Variants in ZFYVE9 observed in about 807,000 individuals in gnomAD.
The protein encoded by ZFYVE9 is zinc finger FYVE-type containing 9, also known as zinc finger FYVE domain-containing protein 9.
A neutral mutation model predicts 126.7 loss-of-function variants in ZFYVE9; 43 were observed. The observed-to-expected ratio is 0.34, with a 90% CI of 0.27 to 0.44. The LOEUF (loss-of-function observed/expected upper bound fraction) is 0.44, where lower values mean the gene tolerates loss of function less well. ZFYVE9 is among the 20% of genes least tolerant of loss of function. The probability of loss-of-function intolerance (pLI) is 1.00; values close to 1 mark genes in which losing one functional copy is unlikely to be tolerated. For missense variants in ZFYVE9, 1,476 were observed against 1,697.0 expected (o/e 0.87, Z 2.29); for synonymous variants, 521 against 597.4 (o/e 0.87, Z 1.87).
At chr1:52,322,440 C>T (rs1008219610) in intron 13 of ZFYVE9, among the ~76,000 whole-genome samples, 41 of 147,590 alleles carry the variant, frequency 2.8e-4, no homozygotes, top group Non-Finnish European at 4.6e-4. Flanking sequence ...TGCAATGGCG[C>T]GATCTCGGCT....
In ZFYVE9 at chr1:52,212,720, T is replaced by C. The variant is rs557490981; in HGVS notation, c.-142-3649T>C. Among the ~76,000 whole-genome samples the C allele has an allele frequency of 5.3e-5, 8 of 152,306 alleles. No homozygotes were observed. The East Asian group carries it at 1.2e-3, about 22-fold the overall frequency. The stretch of plus-strand genomic sequence containing the variant: ...GAATACTACTATGTGAAAAGAATTG[T>C]GCTGGGGCCTTGGAATAAAAGTATG... On this transcript the variant is annotated intron_variant, in intron 1 of 18. Coordinates refer to ENST00000287727, the MANE Select transcript of ZFYVE9 (RefSeq NM_004799.4).
intron 1 of ZFYVE9, among the ~76,000 whole-genome samples, chr1:52,156,817 T>C (rs1051872329): frequency 6.6e-6 from 1 of 151,684 alleles, no homozygotes; most frequent in Non-Finnish European, 1.5e-5. Flanking sequence ...GGTATTTTCC[T>C]TTCCCCACTT....
At chr1:52,342,517 G>A (rs916772903) in intron 17 of ZFYVE9, among the ~76,000 whole-genome samples, 9 of 144,378 alleles carry the variant, frequency 6.2e-5, no homozygotes, top group African/African-American at 1.8e-4. Context: ...CAATCCGCCC[G>A]TCTTGGCCTC....
chr1:52,340,883 C>A (rs1646429638), intron 17 of ZFYVE9, among the ~76,000 whole-genome samples: 1 of 118,606 alleles, frequency 8.4e-6, no homozygotes, highest in African/African-American at 3.2e-5. Context: ...CCAGCCTAGG[C>A]AACAGAGCAA....
intron 1 of ZFYVE9, among the ~76,000 whole-genome samples, chr1:52,191,427 A>G (rs371794633): frequency 6.6e-5 from 10 of 152,204 alleles, no homozygotes; most frequent in African/African-American, 2.4e-4. Flanking sequence ...AGATGCAGCC[A>G]TGACCCAGTC....
intron 1 of ZFYVE9, among the ~76,000 whole-genome samples, chr1:52,150,786 A>AG (rs1644349667): frequency 1.3e-5 from 2 of 151,634 alleles, no homozygotes; most frequent in South Asian, 2.1e-4. Context: ...AAAAAAAAAA[A>AG]GAAGAAAAGA....
chr1:52,208,549 T>G (rs904042132), intron 1 of ZFYVE9, among the ~76,000 whole-genome samples: 1 of 151,416 alleles, frequency 6.6e-6, no homozygotes, highest in African/African-American at 2.4e-5. Flanking sequence ...TTGCCCAGGC[T>G]GGAGTGCAAT....
At chr1:52,327,468 G>T (rs747334197) in intron 13 of ZFYVE9, among the ~76,000 whole-genome samples, 2 of 151,866 alleles carry the variant, frequency 1.3e-5, no homozygotes, top group Non-Finnish European at 2.9e-5. Flanking sequence ...GGGGCGTGGT[G>T]GCGTGTGCCT....
intron 4 of ZFYVE9, among the ~76,000 whole-genome samples, chr1:52,258,021 C>T (rs1461993445): frequency 6.6e-6 from 1 of 152,214 alleles, no homozygotes; most frequent in African/African-American, 2.4e-5. Context: ...GCCACTGCAC[C>T]TAGTCCCAGT....
At chr1:52,316,765 T>C (rs1007468138) in intron 13 of ZFYVE9, among the ~76,000 whole-genome samples, 1 of 152,198 alleles carries the variant, frequency 6.6e-6, no homozygotes, top group African/African-American at 2.4e-5. Context: ...TCAATAACCC[T>C]GTGTCACTAA....
intron 1 of ZFYVE9, among the ~76,000 whole-genome samples, chr1:52,206,620 G>A (rs1233151720): frequency 1.3e-5 from 2 of 151,970 alleles, no homozygotes; most frequent in African/African-American, 4.8e-5. Flanking sequence ...ATCTCGGCTC[G>A]GCTCACTGCA....
At chr1:52,253,669 G>T in intron 4 of ZFYVE9, 1 of 1,594,448 alleles carries the variant, frequency 6.3e-7, no homozygotes, top group Admixed American at 1.7e-5. Flanking sequence ...TGAGCAGTTG[G>T]AAAAGACTGG....
chr1:52,340,083 A>G (rs771514232), intron 16 of ZFYVE9, 43 bp from the exon 17 acceptor site: 4 of 1,543,644 alleles, frequency 2.6e-6, no homozygotes, highest in Admixed American at 1.7e-5. Flanking sequence ...TGGCTTTTCT[A>G]ACTTCAAGAG....
chr1:52,322,049 C>G (rs1465542497), intron 13 of ZFYVE9, among the ~76,000 whole-genome samples: 3 of 152,196 alleles, frequency 2.0e-5, no homozygotes, highest in Non-Finnish European at 4.4e-5. Context: ...CACTTGCATA[C>G]ACATTTCAAG....
chr1:52,334,940 G>T, intron 15 of ZFYVE9, 172 bp downstream of exon 15: 1 of 551,558 alleles, frequency 1.8e-6, no homozygotes, highest in South Asian at 2.3e-5. Flanking sequence ...AGGAGTAAGT[G>T]GTAGGGATAC....
intron 8 of ZFYVE9, among the ~76,000 whole-genome samples, chr1:52,275,886 ACTTAC>A (rs1203036271): frequency 6.7e-6 from 1 of 149,502 alleles, no homozygotes; most frequent in Non-Finnish European, 1.5e-5. Flanking sequence ...AGTGTAAATT[ACTTAC>A]CTTAGCAAGC....
intron 13 of ZFYVE9, among the ~76,000 whole-genome samples, chr1:52,315,609 A>G (rs1309017004): frequency 6.6e-6 from 1 of 152,208 alleles, no homozygotes; most frequent in Non-Finnish European, 1.5e-5. Flanking sequence ...ATATAAACCC[A>G]AAAGCAACCA....
intron 1 of ZFYVE9, among the ~76,000 whole-genome samples, chr1:52,210,500 C>T (rs1404255496): frequency 6.6e-6 from 1 of 152,144 alleles, no homozygotes; most frequent in Non-Finnish European, 1.5e-5. Flanking sequence ...TTATTCTTCT[C>T]TTTAAAATGT....
intron 5 of ZFYVE9, among the ~76,000 whole-genome samples, chr1:52,266,214 C>T (rs1482621138): frequency 1.3e-5 from 2 of 151,914 alleles, no homozygotes; most frequent in South Asian, 2.1e-4. Flanking sequence ...TCTCCTGCCT[C>T]AGCCTCCCAA....
Sources: allele counts gnomAD v4.1 joint callset (sites outside exome capture counted in the v4.1 genomes callset), GRCh38; gene constraint gnomAD v4.1.1; transcripts MANE v1.5; gene names NCBI Gene and HGNC (gene_info 2026-07-23, HGNC 2026-07-21).